PRH1: variants seen among roughly 807,000 people sequenced by gnomAD.
PRH1 encodes the protein salivary acidic proline-rich phosphoprotein 1/2.
Under a neutral mutation model 7.9 loss-of-function variants are expected in PRH1, and 7 were observed. That is an observed-to-expected ratio of 0.89 (90% CI 0.50 to 1.67). The LOEUF (loss-of-function observed/expected upper bound fraction) is 1.67, where lower values mean the gene tolerates loss of function less well. Ranked by LOEUF, PRH1 falls within the 40% of genes most tolerant of loss-of-function variation. The pLI, the probability that PRH1 is intolerant of heterozygous loss-of-function variation, is 0.00. For missense variants in PRH1, 109 were observed against 223.6 expected (o/e 0.49, Z 3.27); for synonymous variants, 45 against 80.8 (o/e 0.56, Z 2.38).
intron 2 of PRH1, among the ~76,000 whole-genome samples, chr12:10,913,694 T>C (rs1301832738): frequency 6.6e-6 from 1 of 152,158 alleles, no homozygotes; most frequent in African/African-American, 2.4e-5. Context: ...CCCCTTGAAG[T>C]TGTATATTAT....
intron 2 of PRH1, among the ~76,000 whole-genome samples, chr12:10,927,124 G>T (rs1950134161): frequency 6.6e-6 from 1 of 152,200 alleles, no homozygotes; most frequent in South Asian, 2.1e-4. Flanking sequence ...GAAGGTCATG[G>T]AAGGGACCTG....
intron 1 of PRH1, among the ~76,000 whole-genome samples, chr12:11,011,852 C>T (rs1164037259): frequency 6.6e-6 from 1 of 152,102 alleles, no homozygotes; most frequent in Non-Finnish European, 1.5e-5. Flanking sequence ...TGCCCACACA[C>T]ATACATGCTC....
At chr12:11,097,360 G>A (rs570529737) in intron 1 of PRH1, 3 of 119,140 alleles carry the variant, frequency 2.5e-5, no homozygotes, top group African/African-American at 8.8e-5. Context: ...AGAAGATCTG[G>A]GGTCTTACCT....
rs2135781964 is a variant in PRH1 at position 10,884,252 on chromosome 12, T to G, written c.-35A>C. 6.2e-7 allele frequency: 1 copy of G among 1,613,846 alleles called. No individual in the cohort carries two copies. Among genetic ancestry groups the G allele is most frequent in the East Asian group, 2.2e-5 (1 of 44,872 alleles). On this transcript the variant is annotated 5_prime_UTR_variant, in exon 1 of 4. Coordinates refer to ENST00000543626, the MANE Select transcript of PRH1 (RefSeq NM_001393989.1). ...GGCTCTGGTGTCACTCCCAACTTTG[T>G]GCTGGGAGAAACGTGTCAGCTCCCT...
chr12:11,038,727 T>C (rs1942564129), intron 1 of PRH1, among the ~76,000 whole-genome samples: 1 of 145,520 alleles, frequency 6.9e-6, no homozygotes, highest in South Asian at 2.3e-4. Flanking sequence ...CTTTAGCTAT[T>C]GAAACTCAGT....
intron 2 of PRH1, among the ~76,000 whole-genome samples, chr12:10,910,025 G>C (rs1949872400): frequency 6.6e-6 from 1 of 151,982 alleles, no homozygotes; most frequent in Non-Finnish European, 1.5e-5. Flanking sequence ...ACTTAAAAGT[G>C]ATAAAAAAAC....
At chr12:11,059,319 A>G (rs2136174206) in intron 1 of PRH1, among the ~76,000 whole-genome samples, 1 of 148,710 alleles carries the variant, frequency 6.7e-6, no homozygotes, top group Admixed American at 6.8e-5. Flanking sequence ...ACCAGACATC[A>G]CCACACATTG....
chr12:11,112,352 A>T (rs1209902664), intron 1 of PRH1, among the ~76,000 whole-genome samples: 1 of 152,202 alleles, frequency 6.6e-6, no homozygotes, highest in Non-Finnish European at 1.5e-5. Flanking sequence ...CACAGCAAAA[A>T]GAGAAAATTT....
At chr12:10,899,348 G>A (rs888123961) in intron 2 of PRH1, among the ~76,000 whole-genome samples, 1 of 152,112 alleles carries the variant, frequency 6.6e-6, no homozygotes, top group African/African-American at 2.4e-5. Context: ...TTTGTACACG[G>A]TTTGTTTGTC....
At chr12:10,962,830 C>T (rs769393841) in intron 2 of PRH1, among the ~76,000 whole-genome samples, 48 of 152,182 alleles carry the variant, frequency 3.2e-4, no homozygotes, top group Non-Finnish European at 5.6e-4. Flanking sequence ...AGTGCAGTGG[C>T]GCGATCTCGG....
chr12:11,037,857 T>A (rs1186765946), intron 1 of PRH1, among the ~76,000 whole-genome samples: 1 of 151,940 alleles, frequency 6.6e-6, no homozygotes, highest in African/African-American at 2.4e-5. Context: ...CTGGGCAACA[T>A]GGCAAAACCT....
Position 10,984,470 on chromosome 12 carries a change from A to G in PRH1, c.-125-10749T>C, listed in dbSNP as rs192829316. Among the ~76,000 whole-genome samples the G allele has an allele frequency of 6.6e-5, 10 of 151,780 alleles. No homozygotes were observed. The East Asian group carries it at 1.9e-3, about 29-fold the overall frequency. ...ATTTTCATTGGTTTGCCACTCCCATATAGTTAGTTTACTGCTTTATTCACC... is the reference window on the plus strand; with the variant it reads ...ATTTTCATTGGTTTGCCACTCCCATGTAGTTAGTTTACTGCTTTATTCACC... On this transcript the variant is annotated intron_variant, in intron 1 of 3. Coordinates refer to the PRH1 transcript ENST00000539853.
chr12:11,059,958 A>G (rs1379947089), intron 1 of PRH1, among the ~76,000 whole-genome samples: 2 of 152,036 alleles, frequency 1.3e-5, no homozygotes, highest in Middle Eastern at 3.4e-3. Flanking sequence ...AAGAGATGAG[A>G]TCATCTTGCT....
chr12:11,031,099 T>G, intron 1 of PRH1: 1 of 1,614,292 alleles, frequency 6.2e-7, no homozygotes, highest in East Asian at 2.2e-5. Flanking sequence ...TAGTTCTTAC[T>G]TCTACACTAT....
At chr12:11,147,491 G>T (rs546821193) in intron 1 of PRH1, among the ~76,000 whole-genome samples, 2 of 152,254 alleles carry the variant, frequency 1.3e-5, no homozygotes, top group Admixed American at 6.5e-5. Flanking sequence ...CCTGGCCAAA[G>T]AATTTTTTAA....
Position 11,074,114 on chromosome 12 carries a change from G to C in PRH1, n.124-26926C>G, listed in dbSNP as rs114766272. 4.8e-3 allele frequency among the ~76,000 whole-genome samples: 716 copies of C among 148,364 alleles called. 69 individuals carry two copies. The highest frequency in any genetic ancestry group is 0.017 in the African/African-American group (691 of 40,374). On this transcript the variant is annotated intron_variant and non_coding_transcript_variant, in intron 1 of 4. Coordinates refer to the PRH1 transcript ENST00000541977. Reference sequence around the variant, plus strand: ...CTCCTGTTCCCATGGTCAGCACCTTGCCTGATCCAGATCACCTTTCCATCT... The same window carrying C: ...CTCCTGTTCCCATGGTCAGCACCTTCCCTGATCCAGATCACCTTTCCATCT...
chr12:11,072,634 G>A (rs1944125920), intron 1 of PRH1, among the ~76,000 whole-genome samples: 1 of 152,290 alleles, frequency 6.6e-6, no homozygotes, highest in Middle Eastern at 3.4e-3. Flanking sequence ...AACCTAAATG[G>A]CCTCTACCAA....
intron 1 of PRH1, among the ~76,000 whole-genome samples, chr12:11,167,184 T>C (rs575236364): frequency 6.6e-6 from 1 of 152,308 alleles, no homozygotes; most frequent in East Asian, 1.9e-4. Flanking sequence ...ATAAAGGAAC[T>C]TTCCTAGGTT....
downstream of PRH1, among the ~76,000 whole-genome samples, chr12:11,119,443 C>A (rs967804904): frequency 1.3e-5 from 2 of 151,926 alleles, no homozygotes; most frequent in Non-Finnish European, 2.9e-5. Flanking sequence ...TTGTTTGTAA[C>A]AAAAAAGAGT....
Sources: gnomAD v4.1 joint callset for allele counts (sites outside exome capture counted in the v4.1 genomes callset) on GRCh38, gnomAD v4.1.1 for gene constraint, MANE v1.5 for transcripts, NCBI Gene and HGNC (gene_info 2026-07-23, HGNC 2026-07-21) for gene names.